The following MITD1 variants were observed in gnomAD, a reference collection of about 807,000 sequenced individuals.
MITD1 encodes MIT domain-containing protein 1.
MITD1 carries 24 observed loss-of-function variants against 34.9 expected under a neutral mutation model. The ratio of observed to expected loss-of-function variants is 0.69; its 90% CI spans 0.50 to 0.97. MITD1 has a LOEUF of 0.97. Ranked by LOEUF, MITD1 falls within the 50% of genes least tolerant of loss-of-function variation. MITD1 has a pLI of 0.00. For missense variants in MITD1, 266 were observed against 294.6 expected, an observed-to-expected ratio of 0.90 and a Z score of 0.71; for synonymous variants, 102 against 101.4, an observed-to-expected ratio of 1.01 and a Z score of -0.04.
intron 5 of MITD1, among the ~76,000 whole-genome samples, chr2:99,170,317 G>C (rs962981707): frequency 2.6e-5 from 4 of 151,886 alleles, no homozygotes; most frequent in Non-Finnish European, 4.4e-5. Flanking sequence ...ATTCCATTAG[G>C]AAATATTAAA....
intron 7 of MITD1, chr2:99,162,921 G>C: frequency 1.2e-6 from 2 of 1,613,674 alleles, no homozygotes; most frequent in Admixed American, 3.3e-5. Flanking sequence ...GTTGCCATTG[G>C]AAATACGTGA....
chr2:99,180,808 C>A, intron 1 of MITD1, 23 bp downstream of exon 1: 1 of 1,606,986 alleles, frequency 6.2e-7, no homozygotes, highest in African/African-American at 1.3e-5. Context: ...CTCAGGTCCT[C>A]CCCGCCTTGG....
intron 7 of MITD1, chr2:99,163,017 C>G (rs1185559056): frequency 1.9e-6 from 3 of 1,603,322 alleles, no homozygotes; most frequent in East Asian, 4.5e-5. Flanking sequence ...AACATGTCCA[C>G]AAGACCACAA....
At chr2:99,170,785 CA>C (rs1479242063) in intron 4 of MITD1, 133 bp from the exon 5 acceptor site, 4 of 467,604 alleles carry the variant, frequency 8.6e-6, no homozygotes, top group South Asian at 4.5e-5. Flanking sequence ...TCTATTATCT[CA>C]AAAAAACAAC....
Position 99,180,940 on chromosome 2 carries a change from AGCTGTGCTCTGCGGGTCCT to A in MITD1, c.23_41del (p.Gln8LeufsTer6), listed in dbSNP as rs1212097902. 2.5e-6 allele frequency: 4 copies of A among 1,614,106 alleles called. No homozygotes were observed. The East Asian group carries it at 8.9e-5, about 36-fold the overall frequency. On this transcript the variant is annotated frameshift_variant, in exon 1 of 7. Transcript: ENST00000289359. LOFTEE classifies it high-confidence loss of function. ...CTGCCCGCTTTAGCACAGTGGCTGC[AGCTGTGCTCTGCGGGTCCT>A]GCCTCAGCCCGGACTTCGCCATAAT... is the stretch of plus-strand genomic sequence containing the variant.
chr2:99,165,149 C>G (rs1468048784), downstream of MITD1, among the ~76,000 whole-genome samples: 1 of 152,004 alleles, frequency 6.6e-6, no homozygotes, highest in Non-Finnish European at 1.5e-5. Context: ...CTCACTGCAA[C>G]TGCTGCCTAG....
At position 99,163,868 on chromosome 2, in the gene MITD1, C is replaced by T. The variant is rs77838839; in HGVS notation, c.*4-1650G>A. On this transcript the variant is annotated intron_variant, in intron 7 of 7. Coordinates refer to the MITD1 transcript ENST00000422537. ...CTCCCACTAAAAATCAAGGCTGTTGCACTTTTCTAAGCTCTTAACCCTTCC... is the reference window on the plus strand; with the variant it reads ...CTCCCACTAAAAATCAAGGCTGTTGTACTTTTCTAAGCTCTTAACCCTTCC... Among the ~76,000 whole-genome samples, 1,460 of 152,206 alleles carry T rather than the reference C, an allele frequency of 9.6e-3. 14 individuals are homozygous for T. The highest frequency in any genetic ancestry group is 0.033 in the African/African-American group (1,386 of 41,512).
chr2:99,163,751 C>T (rs1159442679), intron 7 of MITD1, among the ~76,000 whole-genome samples: 1 of 152,136 alleles, frequency 6.6e-6, no homozygotes, highest in Non-Finnish European at 1.5e-5. Flanking sequence ...TTTCTTATCT[C>T]TCGGAGATAT....
chr2:99,175,182 A>AT (rs78467368), intron 1 of MITD1, among the ~76,000 whole-genome samples: 9,446 of 152,268 alleles, frequency 0.062, 579 homozygotes, highest in East Asian at 0.21. Context: ...GAGCTAGGAA[A>AT]TTAACACTGA....
At chr2:99,167,948 AAC>A (rs2093834289), downstream of MITD1, among the ~76,000 whole-genome samples, 1 of 152,172 alleles carries the variant, frequency 6.6e-6, no homozygotes, top group Non-Finnish European at 1.5e-5. Context: ...ACAAAAGGAA[AAC>A]AGTGTCCAAG....
intron 7 of MITD1, chr2:99,162,639 A>G: frequency 6.2e-7 from 1 of 1,614,150 alleles, no homozygotes. Flanking sequence ...TGAAGTACTA[A>G]TGAATGCTGT....
At chr2:99,178,861 AC>A (rs1453238569) in intron 1 of MITD1, among the ~76,000 whole-genome samples, 19 of 152,170 alleles carry the variant, frequency 1.2e-4, no homozygotes, top group African/African-American at 3.9e-4. Context: ...GCCCCTATCT[AC>A]CTTTAAACTT....
At chr2:99,173,363 G>A in intron 2 of MITD1, 1 of 397,798 alleles carries the variant, frequency 2.5e-6, no homozygotes, top group Admixed American at 2.6e-5. Flanking sequence ...ACAGACATTT[G>A]TAAACTGGAT....
At chr2:99,179,538 T>C (rs1291004996) in intron 1 of MITD1, among the ~76,000 whole-genome samples, 1 of 152,164 alleles carries the variant, frequency 6.6e-6, no homozygotes, top group Non-Finnish European at 1.5e-5. Flanking sequence ...CATCAAATAA[T>C]GCCCCAGGCA....
At chr2:99,177,927 C>T (rs2093896908) in intron 1 of MITD1, among the ~76,000 whole-genome samples, 1 of 152,210 alleles carries the variant, frequency 6.6e-6, no homozygotes, top group African/African-American at 2.4e-5. Flanking sequence ...TTAGATTCCA[C>T]ATATGAGTTA....
exon 8 of MITD1, chr2:99,162,001 G>T (rs1454366201): frequency 6.2e-7 from 1 of 1,611,956 alleles, no homozygotes; most frequent in Non-Finnish European, 8.5e-7. Context: ...CAGTTACTTT[G>T]TAACTGCCAG....
chr2:99,174,181 A>G (rs1226362561), intron 1 of MITD1, among the ~76,000 whole-genome samples, 165 bp from the exon 2 acceptor site: 1 of 152,188 alleles, frequency 6.6e-6, no homozygotes, highest in Admixed American at 6.5e-5. Flanking sequence ...TTGAACATAC[A>G]AGACCTTCAT....
In MITD1 at chr2:99,173,946, G is replaced by A. The variant is rs1384361056; in HGVS notation, c.222C>T (p.Asn74=). Residue 74 remains asparagine (N), a synonymous_variant, in exon 2 of 7, where the codon AAC becomes AAT. Transcript: ENST00000289359. ...KISKYMDRAE[N]IKKYLDQEKE... ...TTTCTTGGTCCAAGTACTTCTTTAT[G>A]TTTTCCGCTCTGTCCATGTATTTGG... The A allele has an allele frequency of 6.2e-7, 1 of 1,609,328 alleles. No homozygotes were observed. Among genetic ancestry groups the A allele is most frequent in the Admixed American group, 1.7e-5 (1 of 59,876 alleles).
chr2:99,168,946 A>ATTTTTTT (rs1175310553), downstream of MITD1, among the ~76,000 whole-genome samples: 47 of 49,332 alleles, frequency 9.5e-4, no homozygotes, highest in Non-Finnish European at 1.2e-3. Flanking sequence ...TGCCCGGCTA[A>ATTTTTTT]TTTTTTTTTT....
Sources: gnomAD v4.1 joint callset for allele counts (sites outside exome capture counted in the v4.1 genomes callset) on GRCh38, gnomAD v4.1.1 for gene constraint, MANE v1.5 for transcripts, NCBI Gene and HGNC (gene_info 2026-07-23, HGNC 2026-07-21) for gene names.